Variants in JAKMIP1 observed in about 807,000 individuals in gnomAD.
JAKMIP1 encodes janus kinase and microtubule interacting protein 1.
Under a neutral mutation model 113.0 loss-of-function variants are expected in JAKMIP1, and 33 were observed. The ratio of observed to expected loss-of-function variants is 0.29; its 90% CI spans 0.22 to 0.39. The LOEUF is 0.39. JAKMIP1 is among the 10% of genes least tolerant of loss of function. The pLI is 1.00. For synonymous variants in JAKMIP1, 480 were observed against 459.9 expected, an observed-to-expected ratio of 1.04 and a Z score of -0.56; for missense variants, 813 against 1,080.5, an observed-to-expected ratio of 0.75 and a Z score of 3.47.
intron 18 of JAKMIP1, among the ~76,000 whole-genome samples, chr4:6,037,866 C>A (rs1713740335): frequency 6.9e-6 from 1 of 144,388 alleles, no homozygotes; most frequent in Non-Finnish European, 1.5e-5. Flanking sequence ...CCCTCCATCA[C>A]TGAGGCAGAG....
intron 1 of JAKMIP1, among the ~76,000 whole-genome samples, chr4:6,117,910 T>C (rs929171229): frequency 3.9e-5 from 6 of 152,260 alleles, no homozygotes; most frequent in African/African-American, 1.4e-4. Context: ...CCCTGAACAA[T>C]TGCTGTTATC....
chr4:6,139,770 T>TGTAAA lies in JAKMIP1; in HGVS notation c.-147-26774_-147-26773insTTTAC, dbSNP rs1412329057. 5.4e-5 allele frequency among the ~76,000 whole-genome samples: 8 copies of TGTAAA among 148,016 alleles called. No individual in the cohort carries two copies. In the South Asian group the frequency reaches 1.5e-3, roughly 29 times the overall value. Reference sequence around the variant, plus strand: ...GACAGAGTGAGACTCCATCTCAAAATATAAAATAAAATAAAATAAAATAAA... The same window carrying TGTAAA: ...GACAGAGTGAGACTCCATCTCAAAATGTAAAATAAAATAAAATAAAATAAAATAAA... On this transcript the variant is annotated intron_variant, in intron 1 of 20. Transcript: ENST00000409021. This position sits in a 1 kb window ranked among gnomAD's most constrained non-coding sequence, Gnocchi z 5.2.
At position 6,110,420 on chromosome 4, in the gene JAKMIP1, G is replaced by A. The variant is rs79256881; in HGVS notation, c.129+2302C>T. ...ACAGCAATCGTCTGTTGCGTAAGCC[G>A]CCCTATCTGTGGGACTTGGTTACTG... On this transcript the variant is annotated intron_variant, in intron 2 of 20. Transcript: ENST00000409021. Among the ~76,000 whole-genome samples, 548 of 151,614 alleles carry A rather than the reference G, an allele frequency of 3.6e-3. 2 individuals carry two copies. Among genetic ancestry groups the A allele is most frequent in the African/African-American group, 0.012 (513 of 41,368 alleles).
At chr4:6,128,179 T>G (rs1375018042) in intron 1 of JAKMIP1, among the ~76,000 whole-genome samples, 1 of 152,182 alleles carries the variant, frequency 6.6e-6, no homozygotes, top group Non-Finnish European at 1.5e-5. Context: ...CAGACGGACA[T>G]GGATTCACCT....
rs181470536 is a variant in JAKMIP1 at position 6,187,220 on chromosome 4, A to C, written c.-148+13033T>G. Among the ~76,000 whole-genome samples, 57 of 152,204 alleles carry C rather than the reference A, an allele frequency of 3.7e-4. No homozygotes were observed. The highest frequency in any genetic ancestry group is 2.9e-5 in the Non-Finnish European group (2 of 68,012). ...TTGTTATATATTTCTGATGTATTGA[A>C]CTTCTTGTCATTATAAAATGTTACT... On this transcript the variant is annotated intron_variant, in intron 1 of 20. Coordinates refer to ENST00000409021, the MANE Select transcript of JAKMIP1 (RefSeq NM_001099433.2). The surrounding 1 kb of genome is among the most constrained non-coding windows in gnomAD (Gnocchi z 4.2).
chr4:6,170,109 C>A (rs1243463272), intron 1 of JAKMIP1, among the ~76,000 whole-genome samples: 1 of 149,440 alleles, frequency 6.7e-6, no homozygotes, highest in South Asian at 2.2e-4. Flanking sequence ...CCCATCATTA[C>A]CAACATCATC....
intron 11 of JAKMIP1, among the ~76,000 whole-genome samples, chr4:6,058,449 A>C (rs960290788): frequency 9.9e-5 from 15 of 152,242 alleles, no homozygotes; most frequent in Non-Finnish European, 5.9e-5. Context: ...AGCATGTCCC[A>C]GCTCGCAGCT....
At position 6,108,922 on chromosome 4, in the gene JAKMIP1, G is replaced by T. The variant is rs946192359; in HGVS notation, c.130-2955C>A. Among the ~76,000 whole-genome samples the T allele has an allele frequency of 3.9e-5, 6 of 152,236 alleles. No individual in the cohort carries two copies. The highest frequency in any genetic ancestry group is 3.3e-4 in the Admixed American group (5 of 15,290). ...AATATTTACAGGTATGCGTACATACGCAGGTCAGTATACACATATATATTC... is the reference window on the plus strand; with the variant it reads ...AATATTTACAGGTATGCGTACATACTCAGGTCAGTATACACATATATATTC... On this transcript the variant is annotated intron_variant, in intron 2 of 20. Transcript: ENST00000409021. The surrounding 1 kb of genome is among the most constrained non-coding windows in gnomAD (Gnocchi z 5.6).
chr4:6,131,028 G>A lies in JAKMIP1; in HGVS notation c.-147-18031C>T, dbSNP rs373440386. On this transcript the variant is annotated intron_variant, in intron 1 of 20. Transcript: ENST00000409021. ...GTCTCTACAAAAAACACAAAACTTA[G>A]TTATGTGTGGGGATATACACCTCCC... Among the ~76,000 whole-genome samples the A allele has an allele frequency of 4.6e-5, 7 of 151,664 alleles. No individual in the cohort carries two copies. The East Asian group carries it at 1.2e-3, about 25-fold the overall frequency.
At position 6,131,251 on chromosome 4, in the gene JAKMIP1, A is replaced by C. The variant is rs1481655719; in HGVS notation, c.-147-18254T>G. The stretch of plus-strand genomic sequence containing the variant: ...AAAAGAATAACAGGATGAGAAAGAG[A>C]AGAAGAAATTGAAGAAATATTTGAA... On this transcript the variant is annotated intron_variant, in intron 1 of 20. Coordinates refer to ENST00000409021, the MANE Select transcript of JAKMIP1 (RefSeq NM_001099433.2). Among the ~76,000 whole-genome samples the C allele has an allele frequency of 2.6e-5, 4 of 151,728 alleles. No homozygotes were observed. The East Asian group carries it at 7.7e-4, about 29-fold the overall frequency.
Position 6,156,222 on chromosome 4 carries a change from C to T in JAKMIP1, c.-147-43225G>A, listed in dbSNP as rs79139727. 4.0e-4 allele frequency among the ~76,000 whole-genome samples: 61 copies of T among 152,326 alleles called. No individual in the cohort carries two copies. The East Asian group carries it at 0.01, about 26-fold the overall frequency. ...GCCAGCCACGCGCAAAGCCAGCCCT[C>T]GGAAGTGGCCCGCCAACACAGGAAC... On this transcript the variant is annotated intron_variant, in intron 1 of 20. Coordinates refer to ENST00000409021, the MANE Select transcript of JAKMIP1 (RefSeq NM_001099433.2). This position sits in a 1 kb window ranked among gnomAD's most constrained non-coding sequence, Gnocchi z 5.0.
Position 6,080,407 on chromosome 4 carries a change from A to G in JAKMIP1, c.1102-95T>C. 1 of 1,407,276 alleles carries G rather than the reference A, an allele frequency of 7.1e-7. No homozygotes were observed. Among genetic ancestry groups the G allele is most frequent in the Admixed American group, 2.1e-5 (1 of 48,076 alleles). 87.2% of individuals were successfully genotyped at this position (1,407,276 alleles called of 1,614,324 possible). A position where few individuals can be genotyped will look rare whatever the true frequency, so the allele number is the denominator to read the frequency against. ...GTGGAGCTCAGGGGTGCAGGGACAG[A>G]AGGATGGATGGGAGGATGAAAGAGA... On this transcript the variant is annotated intron_variant, in intron 6 of 20. Coordinates refer to ENST00000409021, the MANE Select transcript of JAKMIP1 (RefSeq NM_001099433.2). The surrounding 1 kb of genome is among the most constrained non-coding windows in gnomAD (Gnocchi z 6.0).
rs1560173076 is a variant in JAKMIP1 at position 6,093,603 on chromosome 4, T to A, written c.625-7974A>T. Among the ~76,000 whole-genome samples the A allele has an allele frequency of 6.6e-6, 1 of 152,156 alleles. No individual in the cohort carries two copies. Among genetic ancestry groups the A allele is most frequent in the African/African-American group, 2.4e-5 (1 of 41,448 alleles). On this transcript the variant is annotated intron_variant, in intron 3 of 20. Coordinates refer to ENST00000409021, the MANE Select transcript of JAKMIP1 (RefSeq NM_001099433.2). The surrounding 1 kb of genome is among the most constrained non-coding windows in gnomAD (Gnocchi z 4.6). Reference sequence around the variant, plus strand: ...TCAGAAACAATCACTCAAATTCTTATGCAAAACAGTCACCTCATAAAGGTC... The same window carrying A: ...TCAGAAACAATCACTCAAATTCTTAAGCAAAACAGTCACCTCATAAAGGTC...
At chr4:6,191,946 T>TTTATTTATTTATTTAC (rs1727317439) in intron 1 of JAKMIP1, among the ~76,000 whole-genome samples, 1 of 151,644 alleles carries the variant, frequency 6.6e-6, no homozygotes, top group Admixed American at 6.6e-5. Context: ...TATTTATTTA[T>TTTATTTATTTATTTAC]TTTGAGATGG....
chr4:6,177,708 C>CA (rs1222028898), intron 1 of JAKMIP1, among the ~76,000 whole-genome samples: 1 of 152,192 alleles, frequency 6.6e-6, no homozygotes, highest in Non-Finnish European at 1.5e-5. Context: ...CATAGCCATA[C>CA]TAATAATGGC....
intron 8 of JAKMIP1, among the ~76,000 whole-genome samples, chr4:6,075,132 GC>G (rs1366834329): frequency 6.6e-5 from 10 of 152,182 alleles, no homozygotes; most frequent in African/African-American, 2.4e-4. Flanking sequence ...GCGTGCCACT[GC>G]ACTCCAGCCT....
chr4:6,076,148 C>A lies in JAKMIP1; in HGVS notation c.1302+2791G>T, dbSNP rs953175141. Among the ~76,000 whole-genome samples the A allele has an allele frequency of 6.6e-6, 1 of 152,040 alleles. No individual in the cohort carries two copies. Among genetic ancestry groups the A allele is most frequent in the Non-Finnish European group, 1.5e-5 (1 of 68,018 alleles). ...CCGAGATTGTGCCATTGCACTCCAG[C>A]CCAGGCAACAAGAGCGAAACTCCAT... On this transcript the variant is annotated intron_variant, in intron 8 of 20. Transcript: ENST00000409021. The surrounding 1 kb of genome is among the most constrained non-coding windows in gnomAD (Gnocchi z 4.8).
At chr4:6,173,849 G>C (rs1189716357) in intron 1 of JAKMIP1, among the ~76,000 whole-genome samples, 1 of 152,212 alleles carries the variant, frequency 6.6e-6, no homozygotes, top group Non-Finnish European at 1.5e-5. Context: ...GCCAAGGCGG[G>C]CGGATCGCTC....
chr4:6,146,561 G>A (rs1720875840), intron 1 of JAKMIP1, among the ~76,000 whole-genome samples: 1 of 151,914 alleles, frequency 6.6e-6, no homozygotes. Context: ...CCCAAAGTGT[G>A]GGGACTACAG....
Sources: allele counts gnomAD v4.1 joint callset (sites outside exome capture counted in the v4.1 genomes callset), GRCh38; gene constraint gnomAD v4.1.1; non-coding constraint Gnocchi (gnomAD v3.1); transcripts MANE v1.5; gene names NCBI Gene and HGNC (gene_info 2026-07-23, HGNC 2026-07-21).